Variants in SLC8A1 observed in about 807,000 individuals in gnomAD.
The protein encoded by SLC8A1 is solute carrier family 8 member A1.
SLC8A1 carries 18 observed loss-of-function variants against 68.3 expected under a neutral mutation model. The ratio of observed to expected loss-of-function variants is 0.26; its 90% CI spans 0.18 to 0.39. SLC8A1 has a LOEUF of 0.39. Ranked by LOEUF, SLC8A1 falls within the 10% of genes least tolerant of loss-of-function variation. The pLI is 1.00. For missense variants in SLC8A1, 985 were observed against 1,156.7 expected (o/e 0.85, Z 2.15); for synonymous variants, 475 against 415.5 (o/e 1.14, Z -1.74).
At chr2:40,184,995 G>A (rs915176699) in intron 2 of SLC8A1, among the ~76,000 whole-genome samples, 1 of 150,476 alleles carries the variant, frequency 6.6e-6, no homozygotes, top group Admixed American at 6.6e-5. Context: ...TGGCCAATAA[G>A]TACATAAAAA....
intron 1 of SLC8A1, among the ~76,000 whole-genome samples, chr2:40,439,174 G>T (rs893847248): frequency 6.6e-6 from 1 of 151,996 alleles, no homozygotes; most frequent in Non-Finnish European, 1.5e-5. Flanking sequence ...TAAAGCACTG[G>T]AGGTAATATA....
At chr2:40,510,625 C>T (rs1017509957) in intron 1 of SLC8A1, among the ~76,000 whole-genome samples, 9 of 152,166 alleles carry the variant, frequency 5.9e-5, no homozygotes, top group African/African-American at 2.2e-4. Flanking sequence ...TTTTCGTAGG[C>T]CTGTTCCACT....
intron 2 of SLC8A1, among the ~76,000 whole-genome samples, chr2:40,252,746 A>G (rs2062970352): frequency 1.4e-5 from 2 of 144,458 alleles, no homozygotes; most frequent in South Asian, 4.2e-4. Context: ...CTTTTATTGG[A>G]GAGTTTCAAT....
chr2:40,380,139 C>G (rs1024668850), intron 2 of SLC8A1, among the ~76,000 whole-genome samples: 3 of 152,098 alleles, frequency 2.0e-5, no homozygotes, highest in Non-Finnish European at 4.4e-5. Context: ...TGTTCTATCT[C>G]AATAGCAATG....
chr2:40,431,225 C>T (rs560665624), intron 1 of SLC8A1, among the ~76,000 whole-genome samples: 23 of 151,830 alleles, frequency 1.5e-4, no homozygotes, highest in Non-Finnish European at 1.8e-4. Context: ...GTGGAATCAG[C>T]GTCACCAACC....
exon 8 of SLC8A1, chr2:40,115,502 G>C: frequency 1.2e-6 from 2 of 1,614,246 alleles, no homozygotes; most frequent in Non-Finnish European, 1.7e-6. Flanking sequence ...CTGCGTGGTA[G>C]ATGGCAGCGA....
intron 2 of SLC8A1, among the ~76,000 whole-genome samples, chr2:40,412,632 G>A (rs1441463110): frequency 6.6e-6 from 1 of 152,112 alleles, no homozygotes; most frequent in Admixed American, 6.6e-5. Context: ...ATCAAAGACA[G>A]CACAGGTAAT....
In SLC8A1 at chr2:40,252,511, T is replaced by C. The variant is rs557371426; in HGVS notation, c.1809-74656A>G. ...CCAAGCCCAACTAATTTTTTGTGCC[T>C]TTAGTAGAGACAGGGTTTCACCATG... is the stretch of plus-strand genomic sequence containing the variant. On this transcript the variant is annotated intron_variant, in intron 2 of 7. Transcript: ENST00000406785. Among the ~76,000 whole-genome samples, 3 of 152,176 alleles carry C rather than the reference T, an allele frequency of 2.0e-5. No homozygotes were observed. In the South Asian group the frequency reaches 6.2e-4, roughly 32 times the overall value.
chr2:40,268,417 C>T (rs2065626959), intron 2 of SLC8A1, among the ~76,000 whole-genome samples: 1 of 152,114 alleles, frequency 6.6e-6, no homozygotes, highest in African/African-American at 2.4e-5. Context: ...ATTTTTCATG[C>T]ACTTGGATAA....
intron 6 of SLC8A1, among the ~76,000 whole-genome samples, chr2:40,144,055 A>G (rs921296986): frequency 1.8e-4 from 27 of 152,226 alleles, no homozygotes; most frequent in African/African-American, 5.8e-4. Context: ...TTATAAAACT[A>G]TATGCATCTT....
At chr2:40,422,455 A>G (rs986480454) in intron 2 of SLC8A1, among the ~76,000 whole-genome samples, 2 of 152,148 alleles carry the variant, frequency 1.3e-5, no homozygotes, top group African/African-American at 4.8e-5. Context: ...TTAGACCCTC[A>G]AGGTTGCTCT....
chr2:40,157,414 C>T (rs1314920621), intron 6 of SLC8A1, among the ~76,000 whole-genome samples: 5 of 152,138 alleles, frequency 3.3e-5, no homozygotes, highest in African/African-American at 1.2e-4. Context: ...CAAACCCACA[C>T]CTGTCTCCAA....
At chr2:40,437,201 C>G (rs1699597576) in intron 1 of SLC8A1, among the ~76,000 whole-genome samples, 1 of 152,116 alleles carries the variant, frequency 6.6e-6, no homozygotes, top group African/African-American at 2.4e-5. Flanking sequence ...ATGGCAGACA[C>G]ATTTTATTTT....
intron 2 of SLC8A1, among the ~76,000 whole-genome samples, chr2:40,374,787 G>C (rs1394262727): frequency 6.6e-6 from 1 of 152,006 alleles, no homozygotes; most frequent in Non-Finnish European, 1.5e-5. Context: ...CCCACATGGT[G>C]ATAATAAACC....
At chr2:40,383,554 T>G (rs542030598) in intron 2 of SLC8A1, among the ~76,000 whole-genome samples, 46 of 152,154 alleles carry the variant, frequency 3.0e-4, no homozygotes, top group Middle Eastern at 3.4e-3. Context: ...TCTTTCTAGA[T>G]TTACAACTAT....
chr2:40,136,057 T>C (rs1261470735), intron 7 of SLC8A1, among the ~76,000 whole-genome samples: 1 of 152,180 alleles, frequency 6.6e-6, no homozygotes, highest in Admixed American at 6.5e-5. Flanking sequence ...TGGAGACTGA[T>C]GTCCAGGAAG....
chr2:40,206,385 T>C (rs948841286), intron 2 of SLC8A1, among the ~76,000 whole-genome samples: 4 of 152,090 alleles, frequency 2.6e-5, no homozygotes, highest in African/African-American at 9.7e-5. Flanking sequence ...CAAAATCCTA[T>C]TAACTCAAAG....
chr2:40,490,702 C>T (rs957769631), intron 1 of SLC8A1, among the ~76,000 whole-genome samples: 1 of 151,990 alleles, frequency 6.6e-6, no homozygotes, highest in South Asian at 2.1e-4. Context: ...AAGAATAAAA[C>T]TCAAAATGAA....
At chr2:40,319,890 C>G (rs912448276) in intron 2 of SLC8A1, among the ~76,000 whole-genome samples, 1 of 152,100 alleles carries the variant, frequency 6.6e-6, no homozygotes, top group African/African-American at 2.4e-5. Context: ...AGAGAGCTTA[C>G]CAATGTCGTT....
Sources: gnomAD v4.1 joint callset for allele counts (sites outside exome capture counted in the v4.1 genomes callset) on GRCh38, gnomAD v4.1.1 for gene constraint, MANE v1.5 for transcripts, NCBI Gene and HGNC (gene_info 2026-07-23, HGNC 2026-07-21) for gene names.